ODAD1: variants seen among roughly 807,000 people sequenced by gnomAD.
The protein encoded by ODAD1 is outer dynein arm docking complex subunit 1.
ODAD1 carries 49 observed loss-of-function variants against 67.2 expected under a neutral mutation model. The ratio of observed to expected loss-of-function variants is 0.73; its 90% CI spans 0.58 to 0.92. ODAD1 has a LOEUF of 0.92. ODAD1 is among the 40% of genes least tolerant of loss of function. The pLI, the probability that ODAD1 is intolerant of heterozygous loss-of-function variation, is 0.00. For missense variants in ODAD1, 897 were observed against 953.7 expected (o/e 0.94, Z 0.78); for synonymous variants, 345 against 393.7 (o/e 0.88, Z 1.46).
At chr19:48,301,542 A>G (rs572413348) in intron 12 of ODAD1, among the ~76,000 whole-genome samples, 1 of 152,330 alleles carries the variant, frequency 6.6e-6, no homozygotes, top group South Asian at 2.1e-4. Context: ...TTTGGTAACT[A>G]AGACTAAGAA....
chr19:48,296,954 T>G lies in ODAD1; in HGVS notation c.*22A>C. On this transcript the variant is annotated 3_prime_UTR_variant, in exon 16 of 16. Transcript: ENST00000674294. ...GACCCCACAGAGAGCCAGGGCAGGGTGGGGGCTGCGTGCCCCTCGTGTTAG... is the reference window on the plus strand; with the variant it reads ...GACCCCACAGAGAGCCAGGGCAGGGGGGGGGCTGCGTGCCCCTCGTGTTAG... 6.4e-7 allele frequency: 1 copy of G among 1,556,728 alleles called. No individual in the cohort carries two copies. The highest frequency in any genetic ancestry group is 8.7e-7 in the Non-Finnish European group (1 of 1,154,360).
chr19:48,300,546 T>G (rs1968436201), intron 12 of ODAD1, among the ~76,000 whole-genome samples: 1 of 151,868 alleles, frequency 6.6e-6, no homozygotes, highest in African/African-American at 2.4e-5. Flanking sequence ...TTAGATATCC[T>G]CAAAACTAAG....
rs868110599 is a variant in ODAD1, at chr19:48,318,786, G to A, written c.97C>T (p.Arg33Ter). The A allele has an allele frequency of 1.8e-5, 28 of 1,550,522 alleles. No individual in the cohort carries two copies. The highest frequency in any genetic ancestry group is 3.9e-5 in the Admixed American group (2 of 50,930). Residue 33 changes from arginine (R) to a stop codon, truncating the protein, a stop_gained, in exon 4 of 16, where the codon CGA (arginine) becomes TGA (stop). Coordinates refer to ENST00000674294, the MANE Select transcript of ODAD1 (RefSeq NM_001364171.2). LOFTEE classifies it high-confidence loss of function. Reference sequence around the variant, plus strand: ...TCCCCTTCCATCACTTTGCATTGTCGCTGCAGCCTACTCAGCTCCCAATCC... The same window carrying A: ...TCCCCTTCCATCACTTTGCATTGTCACTGCAGCCTACTCAGCTCCCAATCC... ...MVDWELSRLQ[R>*]QCKVMEGERR...
Position 48,296,883 on chromosome 19 carries a change from G to C in ODAD1, c.*93C>G. ...CAGAGGCCTGCCACTGGGAGAAAAAGACAGAGACCCACAAGGCAAACAGGG... is the reference window on the plus strand; with the variant it reads ...CAGAGGCCTGCCACTGGGAGAAAAACACAGAGACCCACAAGGCAAACAGGG... On this transcript the variant is annotated 3_prime_UTR_variant, in exon 16 of 16. Transcript: ENST00000674294. The C allele has an allele frequency of 9.0e-6, 13 of 1,443,802 alleles. No individual in the cohort carries two copies. The highest frequency in any genetic ancestry group is 1.2e-5 in the Non-Finnish European group (13 of 1,105,068). The allele number at this position is 1,443,802 out of a possible 1,614,324, so 89.4% of individuals were successfully genotyped here. A position where few individuals can be genotyped will look rare whatever the true frequency, so the allele number is the denominator to read the frequency against.
At position 48,303,835 on chromosome 19, in the gene ODAD1, G is replaced by A. The variant is rs76727733; in HGVS notation, c.854-51C>T. The A allele has an allele frequency of 2.0e-3, 3,227 of 1,580,712 alleles. 56 individuals are homozygous for A. In the African/African-American group the frequency reaches 0.038, roughly 19 times the overall value. On this transcript the variant is annotated intron_variant, in intron 9 of 15. Coordinates refer to ENST00000674294, the MANE Select transcript of ODAD1 (RefSeq NM_001364171.2). ...GGCCTCCTGGGTGGCCTCCAACACA[G>A]AGACCTCCTGGGTGAGGGGGAGCGA...
Position 48,297,033 on chromosome 19 carries a change from GGTGCTGGAGAC to G in ODAD1, c.2056_2066del (p.Val686ArgfsTer?). On this transcript the variant is annotated frameshift_variant, in exon 16 of 16. Transcript: ENST00000674294. LOFTEE classifies it low-confidence loss of function (END_TRUNC). ...CCGGGCCAGTGCTGGAGGCAGGGCCGGTGCTGGAGACGTGGTCTCTGCTGGACCCGAGGCCT... is the reference window on the plus strand; with the variant it reads ...CCGGGCCAGTGCTGGAGGCAGGGCCGGTGGTCTCTGCTGGACCCGAGGCCT... 1 of 1,612,034 alleles carries G rather than the reference GGTGCTGGAGAC, an allele frequency of 6.2e-7. No individual in the cohort carries two copies. Among genetic ancestry groups the G allele is most frequent in the Non-Finnish European group, 8.5e-7 (1 of 1,179,736 alleles).
At chr19:48,300,666 T>C (rs1569002652) in intron 12 of ODAD1, among the ~76,000 whole-genome samples, 1 of 152,208 alleles carries the variant, frequency 6.6e-6, no homozygotes, top group East Asian at 1.9e-4. Flanking sequence ...TCAACTCAGT[T>C]ATAGCAAGAC....
intron 8 of ODAD1, 47 bp from the exon 9 acceptor site, chr19:48,304,187 TCGG>T: frequency 6.5e-7 from 1 of 1,541,200 alleles, no homozygotes; most frequent in Non-Finnish European, 8.8e-7. Flanking sequence ...TGGACTGGGG[TCGG>T]CCTGGGGTCC....
At chr19:48,318,148 T>C (rs1208208705) in intron 5 of ODAD1, among the ~76,000 whole-genome samples, 1 of 152,138 alleles carries the variant, frequency 6.6e-6, no homozygotes, top group Non-Finnish European at 1.5e-5. Flanking sequence ...TGTGCCACCA[T>C]GCCTGGCTAA....
rs1391249433 is a variant in ODAD1, at chr19:48,297,284, T to C, written c.1816A>G (p.Thr606Ala). ...GTGATGTGGCTGGGCAAATGCCCAGTGCTGGAGCTGAGGCCGCCAAAAGTG... is the reference window on the plus strand; with the variant it reads ...GTGATGTGGCTGGGCAAATGCCCAGCGCTGGAGCTGAGGCCGCCAAAAGTG... ...HVTFGGLSSSTGHLPSHITHG... is the reference protein window; with the variant it reads ...HVTFGGLSSSAGHLPSHITHG... The change falls in exon 16 of 16, where the codon ACT becomes GCT. Residue 606 changes from threonine (T) to alanine (A), a missense_variant. Thr to Ala is a moderately conservative substitution (Grantham distance 58, BLOSUM62 0). Coordinates refer to ENST00000674294, the MANE Select transcript of ODAD1 (RefSeq NM_001364171.2). The C allele has an allele frequency of 1.9e-6, 3 of 1,613,962 alleles. No homozygotes were observed. The highest frequency in any genetic ancestry group is 1.1e-5 in the South Asian group (1 of 91,084).
At chr19:48,306,118 A>G in intron 8 of ODAD1, 138 bp downstream of exon 8, 1 of 1,299,876 alleles carries the variant, frequency 7.7e-7, no homozygotes, top group Non-Finnish European at 1.0e-6. Context: ...GCGGGGAGAG[A>G]GAAAAAGGGG....
At position 48,302,869 on chromosome 19, in the gene ODAD1, G is replaced by C; in HGVS notation, c.1072-7C>G. 2 of 1,613,892 alleles carry C rather than the reference G, an allele frequency of 1.2e-6. No homozygotes were observed. The highest frequency in any genetic ancestry group is 2.7e-5 in the African/African-American group (2 of 75,064). On this transcript the variant is annotated splice_region_variant and splice_polypyrimidine_tract_variant and intron_variant, in intron 11 of 15. Coordinates refer to ENST00000674294, the MANE Select transcript of ODAD1 (RefSeq NM_001364171.2). ...TCACCAAAGCCTCCTGCATCTGTGG[G>C]GACAGGGCTGAATGCTGGGCCAGAT...
At position 48,312,420 on chromosome 19, in the gene ODAD1, T is replaced by G. The variant is rs1219519797; in HGVS notation, c.361-304A>C. Among the ~76,000 whole-genome samples, 172 of 141,946 alleles carry G rather than the reference T, an allele frequency of 1.2e-3. 3 individuals are homozygous for G. The highest frequency in any genetic ancestry group is 1.7e-3 in the Admixed American group (24 of 14,100). 93.1% of individuals were successfully genotyped at this position (141,946 alleles called of 152,430 possible). On this transcript the variant is annotated intron_variant, in intron 5 of 15. Coordinates refer to ENST00000674294, the MANE Select transcript of ODAD1 (RefSeq NM_001364171.2). ...TTTCCGTTTTTTTTTTTGTTTTTTT[T>G]TTTTTTTTTTTTGAGACAGAGTCTT... is the stretch of plus-strand genomic sequence containing the variant.
rs1306071701 is a variant in ODAD1 at position 48,317,842 on chromosome 19, G to C, written c.360+545C>G. On this transcript the variant is annotated intron_variant, in intron 5 of 15. Coordinates refer to ENST00000674294, the MANE Select transcript of ODAD1 (RefSeq NM_001364171.2). The stretch of plus-strand genomic sequence containing the variant: ...AATCTCAGCACTTTGGGAGGCCGAG[G>C]TGGGCGGATCACAAGGTCAGGAGAT... Among the ~76,000 whole-genome samples, 4 of 152,046 alleles carry C rather than the reference G, an allele frequency of 2.6e-5. No individual in the cohort carries two copies. The East Asian group carries it at 7.7e-4, about 29-fold the overall frequency.
intron 7 of ODAD1, among the ~76,000 whole-genome samples, chr19:48,306,941 G>A (rs1385174878): frequency 2.0e-5 from 3 of 152,046 alleles, no homozygotes; most frequent in African/African-American, 7.2e-5. Context: ...CCAGCACTTT[G>A]GGAGGCCAAG....
rs149756874 is a variant in ODAD1, at chr19:48,297,628, T to C, written c.1543A>G (p.Met515Val). 73 of 1,528,258 alleles carry C rather than the reference T, an allele frequency of 4.8e-5. No individual in the cohort carries two copies. The highest frequency in any genetic ancestry group is 5.7e-5 in the Non-Finnish European group (65 of 1,141,032). The allele number at this position is 1,528,258 out of a possible 1,614,324, so 94.7% of individuals were successfully genotyped here. A position where few individuals can be genotyped will look rare whatever the true frequency, so the allele number is the denominator to read the frequency against. Residue 515 changes from methionine (M) to valine (V), a missense_variant, in exon 15 of 16, where the codon ATG (methionine) becomes GTG (valine). Physicochemically the swap from Met to Val is conservative, Grantham distance 21. Coordinates refer to ENST00000674294, the MANE Select transcript of ODAD1 (RefSeq NM_001364171.2). ...TGGCTCAGCAGCTCCTCCCTGCTCA[T>C]GGGGTAGTCATCGCTGGCCTCAAAA... ...PGFEASDDYP[M>V]SREELLSQVE...
chr19:48,304,395 G>A (rs899426740), intron 8 of ODAD1, among the ~76,000 whole-genome samples: 1 of 152,168 alleles, frequency 6.6e-6, no homozygotes, highest in African/African-American at 2.4e-5. Context: ...GAGGCAGGAG[G>A]ATCACCTGCA....
chr19:48,300,718 G>A (rs1413606891), intron 12 of ODAD1, among the ~76,000 whole-genome samples: 2 of 151,906 alleles, frequency 1.3e-5, no homozygotes, highest in East Asian at 3.8e-4. Context: ...GATTGAACAG[G>A]AACTTTACAA....
intron 4 of ODAD1, 25 bp downstream of exon 4, chr19:48,318,688 C>T: frequency 6.5e-7 from 1 of 1,540,286 alleles, no homozygotes; most frequent in Non-Finnish European, 8.8e-7. Context: ...TCCTCCCCAG[C>T]TCAGGGCCCA....
Sources: gnomAD v4.1 joint callset for allele counts (sites outside exome capture counted in the v4.1 genomes callset) on GRCh38, gnomAD v4.1.1 for gene constraint, MANE v1.5 for transcripts, NCBI Gene and HGNC (gene_info 2026-07-23, HGNC 2026-07-21) for gene names.